The following ZDHHC7 variants were observed in gnomAD, a reference collection of about 807,000 sequenced individuals.
The protein encoded by ZDHHC7 is zDHHC palmitoyltransferase 7, also known as palmitoyltransferase ZDHHC7.
A neutral mutation model predicts 34.1 loss-of-function variants in ZDHHC7; 12 were observed. The observed-to-expected ratio is 0.35, with a 90% confidence interval of 0.23 to 0.57. ZDHHC7 has a LOEUF of 0.57. Ranked by LOEUF, ZDHHC7 falls within the 20% of genes least tolerant of loss-of-function variation. The pLI is 0.84. For missense variants in ZDHHC7, 388 were observed against 402.7 expected, an observed-to-expected ratio of 0.96 and a Z score of 0.31; for synonymous variants, 185 against 155.4, an observed-to-expected ratio of 1.19 and a Z score of -1.42.
intron 1 of ZDHHC7, among the ~76,000 whole-genome samples, chr16:85,009,814 T>C (rs527287521): frequency 6.6e-6 from 1 of 151,248 alleles, no homozygotes; most frequent in African/African-American, 2.4e-5. Context: ...GTTCACGTGA[T>C]TCTCTTGCCT....
chr16:84,978,052 T>C (rs774302173), intron 5 of ZDHHC7, 47 bp from the exon 6 acceptor site: 13 of 1,501,206 alleles, frequency 8.7e-6, no homozygotes, highest in Admixed American at 1.7e-5. Flanking sequence ...TTTTATTTTT[T>C]TTAGAAACAG....
rs181202363 is a variant in ZDHHC7 at position 85,002,216 on chromosome 16, G to A, written c.-103-6209C>T. 1.4e-3 allele frequency among the ~76,000 whole-genome samples: 216 copies of A among 152,250 alleles called. 1 individual carries two copies. Among genetic ancestry groups the A allele is most frequent in the Middle Eastern group, 6.8e-3 (2 of 294 alleles). ...GCCACGAGTCCGAGGAATGCCTGTG[G>A]CTCCTCCTCCTCCAGCAGGGAGGAC... On this transcript the variant is annotated intron_variant, in intron 1 of 7. Transcript: ENST00000313732.
At chr16:85,006,943 C>T (rs2072724778) in intron 1 of ZDHHC7, among the ~76,000 whole-genome samples, 1 of 151,830 alleles carries the variant, frequency 6.6e-6, no homozygotes, top group South Asian at 2.1e-4. Context: ...AGAATTCTTT[C>T]TCTGCCTTGC....
upstream of ZDHHC7, among the ~76,000 whole-genome samples, chr16:85,013,233 TTTA>T (rs202099440): frequency 4.6e-5 from 7 of 152,150 alleles, no homozygotes; most frequent in South Asian, 4.1e-4. Context: ...GTATTGTTCT[TTTA>T]TTATTATTAT....
intron 3 of ZDHHC7, among the ~76,000 whole-genome samples, chr16:84,989,694 C>CATA (rs2072482927): frequency 1.0e-5 from 1 of 96,494 alleles, no homozygotes. Context: ...AACTCCGTCT[C>CATA]AAAAAAAAAA....
At chr16:84,982,835 C>A (rs1026386594) in intron 3 of ZDHHC7, among the ~76,000 whole-genome samples, 1 of 152,154 alleles carries the variant, frequency 6.6e-6, no homozygotes, top group Non-Finnish European at 1.5e-5. Context: ...GGCGAAGCAG[C>A]GGAAAGAGGA....
At chr16:85,021,479 C>G in the ZDHHC7 span, among the ~76,000 whole-genome samples, 2 of 148,724 alleles carry the variant, frequency 1.3e-5, no homozygotes, top group African/African-American at 5.0e-5. Flanking sequence ...GAGGCTGAGG[C>G]AGGTGGATCA....
the ZDHHC7 span, among the ~76,000 whole-genome samples, chr16:85,023,598 A>C: frequency 5.9e-5 from 9 of 152,002 alleles, no homozygotes; most frequent in Admixed American, 5.9e-4. Flanking sequence ...TGTATTTTGG[A>C]CTCATCCTCT....
At chr16:84,980,121 C>T (rs577721525) in intron 4 of ZDHHC7, among the ~76,000 whole-genome samples, 6 of 151,520 alleles carry the variant, frequency 4.0e-5, no homozygotes, top group East Asian at 2.0e-4. Flanking sequence ...TCACCATGCC[C>T]GGCTAATTTT....
At chr16:85,027,254 T>C in the ZDHHC7 span, among the ~76,000 whole-genome samples, 5 of 152,224 alleles carry the variant, frequency 3.3e-5, no homozygotes, top group Non-Finnish European at 7.3e-5. Context: ...TGAAAAATTT[T>C]TATACCATTT....
chr16:85,008,510 C>CA (rs963404012), intron 1 of ZDHHC7, among the ~76,000 whole-genome samples: 4 of 145,432 alleles, frequency 2.8e-5, no homozygotes, highest in African/African-American at 8.1e-5. Context: ...ACACCCCCCC[C>CA]CAAAAAAAAG....
At chr16:84,991,432 CCCA>C (rs2072508445) in intron 2 of ZDHHC7, among the ~76,000 whole-genome samples, 2 of 151,244 alleles carry the variant, frequency 1.3e-5, no homozygotes, top group Admixed American at 1.3e-4. Flanking sequence ...ATTACAGGCG[CCCA>C]CCACCACACC....
chr16:85,013,187 C>G (rs1302045631), upstream of ZDHHC7, among the ~76,000 whole-genome samples: 1 of 152,128 alleles, frequency 6.6e-6, no homozygotes, highest in Non-Finnish European at 1.5e-5. Flanking sequence ...CTTTTGGAAG[C>G]TCAAAACTCC....
rs1371472539 is a variant in ZDHHC7, at chr16:84,974,594, T to C, written c.*1749A>G. 6.5e-6 allele frequency: 1 copy of C among 152,694 alleles called. No homozygotes were observed. Among genetic ancestry groups the C allele is most frequent in the Non-Finnish European group, 1.5e-5 (1 of 68,054 alleles). The allele number at this position is 152,694 out of a possible 1,614,324, so 9.5% of individuals were successfully genotyped here. On this transcript the variant is annotated 3_prime_UTR_variant, in exon 8 of 8. Coordinates refer to ENST00000313732, the MANE Select transcript of ZDHHC7 (RefSeq NM_017740.3). ...TTCAACCACTTGGATAATTGTTTTA[T>C]TGATAACAGGATATACATATTAAAA...
intron 2 of ZDHHC7, among the ~76,000 whole-genome samples, chr16:84,993,805 C>T (rs2072540916): frequency 6.6e-6 from 1 of 152,226 alleles, no homozygotes; most frequent in Non-Finnish European, 1.5e-5. Flanking sequence ...ACATCCCCTG[C>T]AAACACCTTT....
At chr16:85,001,975 T>A (rs1431665992) in intron 1 of ZDHHC7, among the ~76,000 whole-genome samples, 1 of 151,918 alleles carries the variant, frequency 6.6e-6, no homozygotes, top group Non-Finnish European at 1.5e-5. Flanking sequence ...TGCCAGAGAA[T>A]AATGAAGTGT....
chr16:85,022,445 C>T, the ZDHHC7 span, among the ~76,000 whole-genome samples: 27 of 152,054 alleles, frequency 1.8e-4, no homozygotes, highest in African/African-American at 6.5e-4. Context: ...ATCACTTGAA[C>T]GTGGGAGGCG....
intron 1 of ZDHHC7, among the ~76,000 whole-genome samples, chr16:85,009,709 CTT>C (rs543110602): frequency 1.7e-4 from 22 of 126,608 alleles, no homozygotes; most frequent in East Asian, 2.2e-4. Flanking sequence ...GACTTTTTTT[CTT>C]TTTTTTTTTT....
intron 1 of ZDHHC7, among the ~76,000 whole-genome samples, chr16:85,003,275 C>T (rs1308408168): frequency 1.3e-5 from 2 of 152,080 alleles, no homozygotes; most frequent in Admixed American, 1.3e-4. Flanking sequence ...CTGTAAGATC[C>T]GGAGGCAGTG....
Sources: gnomAD v4.1 joint callset for allele counts (sites outside exome capture counted in the v4.1 genomes callset) on GRCh38, gnomAD v4.1.1 for gene constraint, MANE v1.5 for transcripts, NCBI Gene and HGNC (gene_info 2026-07-23, HGNC 2026-07-21) for gene names.